TCOF1: variants seen among roughly 807,000 people sequenced by gnomAD.
TCOF1 encodes the protein treacle ribosome biogenesis factor 1.
A neutral mutation model predicts 149.0 loss-of-function variants in TCOF1; 33 were observed. That is an observed-to-expected ratio of 0.22 (90% confidence interval 0.17 to 0.30). The LOEUF (loss-of-function observed/expected upper bound fraction) is 0.30. Ranked by LOEUF, TCOF1 falls within the 10% of genes least tolerant of loss-of-function variation. TCOF1 has a pLI of 1.00. For missense variants in TCOF1, 1,728 were observed against 1,840.7 expected, an observed-to-expected ratio of 0.94 and a Z score of 1.12; for synonymous variants, 789 against 738.8, an observed-to-expected ratio of 1.07 and a Z score of -1.10.
intron 1 of TCOF1, 141 bp downstream of exon 1, chr5:150,357,995 C>T: frequency 1.3e-6 from 1 of 750,734 alleles, no homozygotes; most frequent in Non-Finnish European, 2.1e-6. Context: ...CCAGGGGTAC[C>T]GGAGGAGCCG....
chr5:150,386,446 G>A (rs1306917827), intron 17 of TCOF1, among the ~76,000 whole-genome samples: 3 of 152,186 alleles, frequency 2.0e-5, no homozygotes, highest in Non-Finnish European at 2.9e-5. Context: ...AGCCGCGGGG[G>A]AGGCTATTTG....
rs374561595 is a variant in TCOF1 at position 150,375,594 on chromosome 5, C to T, written c.1704+40C>T. On this transcript the variant is annotated intron_variant, in intron 11 of 26. Coordinates refer to ENST00000643257, the MANE Select transcript of TCOF1 (RefSeq NM_001371623.1). ...TGTAAGGCTCTTTCTTTTTCCCCCC[C>T]ACTCAGAGTGGAGCTGCCTGTGGCC... 6.2e-6 allele frequency: 10 copies of T among 1,613,372 alleles called. No homozygotes were observed. In the East Asian group the frequency reaches 6.7e-5, roughly 11 times the overall value.
intron 1 of TCOF1, among the ~76,000 whole-genome samples, chr5:150,360,252 G>A (rs1310577830): frequency 2.0e-5 from 3 of 152,236 alleles, no homozygotes; most frequent in Non-Finnish European, 4.4e-5. Flanking sequence ...GCCCCACATT[G>A]CTTAGCCTCA....
At position 150,379,593 on chromosome 5, in the gene TCOF1, C is replaced by T. The variant is rs1162500083; in HGVS notation, c.2720C>T (p.Pro907Leu). ...GCCTTGGCTCCTGCCAAGGAGTCCC[C>T]CAGGAAAGGGGCTGCCCCAACACCT... Reference protein sequence around the residue: ...RAALAPAKESPRKGAAPTPPG... With the variant: ...RAALAPAKESLRKGAAPTPPG... Residue 907 changes from proline to leucine, a missense_variant, in exon 17 of 27, where the codon CCC (proline) becomes CTC (leucine). Pro to Leu is a moderately conservative substitution (Grantham distance 98). This residue lies in a region of TCOF1 where 1,696 missense variants were observed against 1,765.4 expected (regional missense o/e 0.96). Coordinates refer to ENST00000643257, the MANE Select transcript of TCOF1 (RefSeq NM_001371623.1). The T allele has an allele frequency of 1.2e-6, 2 of 1,614,132 alleles. No homozygotes were observed. The highest frequency in any genetic ancestry group is 1.6e-4 in the Middle Eastern group (1 of 6,062).
In TCOF1 at chr5:150,379,438, T is replaced by A. The variant is rs115015020; in HGVS notation, c.2658+30T>A. 5.5e-4 allele frequency: 892 copies of A among 1,613,980 alleles called. 4 individuals carry two copies. In the African/African-American group the frequency reaches 0.011, roughly 20 times the overall value. On this transcript the variant is annotated intron_variant, in intron 16 of 26. Coordinates refer to ENST00000643257, the MANE Select transcript of TCOF1 (RefSeq NM_001371623.1). The stretch of plus-strand genomic sequence containing the variant: ...GGGGGAGGGAATGGAGATCATCCCC[T>A]ACATGGGATGTAACACCTTTGCCAC...
At chr5:150,374,127 A>G (rs907835261) in intron 7 of TCOF1, 47 bp from the exon 8 acceptor site, 18 of 1,578,202 alleles carry the variant, frequency 1.1e-5, no homozygotes, top group Middle Eastern at 3.4e-4. Context: ...GCATCACCAG[A>G]GAGTTTTCAC....
intron 22 of TCOF1, 139 bp from the exon 23 acceptor site, chr5:150,393,233 T>G: frequency 2.0e-6 from 2 of 997,830 alleles, no homozygotes; most frequent in South Asian, 1.3e-5. Context: ...TGTGCCTTGT[T>G]GTCCACCCAC....
chr5:150,392,325 T>C (rs375471080), intron 21 of TCOF1, 149 bp downstream of exon 21: 1 of 762,266 alleles, frequency 1.3e-6, no homozygotes, highest in South Asian at 1.9e-5. Flanking sequence ...CCTGTACAAC[T>C]TCATGAGGAA....
chr5:150,365,587 A>G (rs1282299959), intron 3 of TCOF1, among the ~76,000 whole-genome samples: 1 of 152,158 alleles, frequency 6.6e-6, no homozygotes, highest in Non-Finnish European at 1.5e-5. Context: ...ACATGCATAT[A>G]TACAGACCTG....
At chr5:150,398,127 G>C (rs533328366) in intron 24 of TCOF1, among the ~76,000 whole-genome samples, 2 of 152,216 alleles carry the variant, frequency 1.3e-5, no homozygotes, top group Admixed American at 6.5e-5. Context: ...TCACTATGTT[G>C]CCCAAGCTGG....
Position 150,375,163 on chromosome 5 carries a change from GGTGAGGCTGGAAGCC to G in TCOF1, c.1488+2_1488+16del, listed in dbSNP as rs1316523087. The G allele has an allele frequency of 6.2e-7, 1 of 1,613,566 alleles. No homozygotes were observed. Among genetic ancestry groups the G allele is most frequent in the Admixed American group, 1.7e-5 (1 of 59,930 alleles). ...CACTGGCAGCCATGAATGCAGCTCA[GGTGAGGCTGGAAGCC>G]GCCCTGCATGGCCTGTGCCCTGCCT... On this transcript the variant is annotated splice_donor_variant and splice_donor_5th_base_variant and intron_variant, in intron 10 of 26. Coordinates refer to ENST00000643257, the MANE Select transcript of TCOF1 (RefSeq NM_001371623.1). LOFTEE classifies it high-confidence loss of function.
chr5:150,383,533 C>T (rs1057003044), intron 17 of TCOF1, among the ~76,000 whole-genome samples: 7 of 152,220 alleles, frequency 4.6e-5, no homozygotes, highest in Non-Finnish European at 1.0e-4. Flanking sequence ...GGTGCCAGCA[C>T]ACAAGGTACT....
intron 17 of TCOF1, among the ~76,000 whole-genome samples, chr5:150,383,539 G>A (rs1018358845): frequency 2.0e-5 from 3 of 152,224 alleles, no homozygotes; most frequent in East Asian, 1.9e-4. Context: ...AGCACACAAG[G>A]TACTTGCCAC....
chr5:150,383,766 C>T (rs1352744096), intron 17 of TCOF1: 1 of 1,551,940 alleles, frequency 6.4e-7, no homozygotes. Context: ...ATCCCATGAG[C>T]TCTGCCCAGG....
intron 17 of TCOF1, among the ~76,000 whole-genome samples, chr5:150,381,684 T>G (rs1765219205): frequency 6.6e-6 from 1 of 152,208 alleles, no homozygotes; most frequent in Admixed American, 6.5e-5. Context: ...GTTTTTAAGT[T>G]TTCAATGAGT....
intron 17 of TCOF1, among the ~76,000 whole-genome samples, chr5:150,381,972 G>A (rs1317172820): frequency 1.2e-4 from 18 of 152,326 alleles, no homozygotes; most frequent in Admixed American, 8.5e-4. Context: ...GAGACAGGCG[G>A]ATCACTTGAG....
At chr5:150,384,423 TG>T in intron 17 of TCOF1, 2 of 985,360 alleles carry the variant, frequency 2.0e-6, no homozygotes, top group Non-Finnish European at 2.4e-6. Context: ...ACCTGGTGTT[TG>T]AGCACAGGCC....
chr5:150,377,907 A>G (rs1330080810), intron 14 of TCOF1, among the ~76,000 whole-genome samples: 4 of 152,052 alleles, frequency 2.6e-5, no homozygotes, highest in Admixed American at 1.3e-4. Flanking sequence ...CTTTTTGTTG[A>G]TTTCTAATTT....
At chr5:150,381,313 A>G (rs1765118523) in intron 17 of TCOF1, among the ~76,000 whole-genome samples, 1 of 152,206 alleles carries the variant, frequency 6.6e-6, no homozygotes, top group African/African-American at 2.4e-5. Flanking sequence ...CAAACCAACA[A>G]TTACTGGGGG....
Sources: allele counts gnomAD v4.1 joint callset (sites outside exome capture counted in the v4.1 genomes callset), GRCh38; gene constraint gnomAD v4.1.1; regional missense constraint gnomAD v4.1.1; transcripts MANE v1.5; gene names NCBI Gene and HGNC (gene_info 2026-07-23, HGNC 2026-07-21).